TEX14: variants seen among roughly 807,000 people sequenced by gnomAD.
The protein encoded by TEX14 is testis expressed 14, intercellular bridge forming factor.
Under a neutral mutation model 178.6 loss-of-function variants are expected in TEX14, and 168 were observed. The observed-to-expected ratio is 0.94, with a 90% confidence interval of 0.83 to 1.07. TEX14 has a LOEUF of 1.07. Among genes scored for constraint, TEX14 ranks in the 50% least tolerant of loss-of-function variants. The probability of loss-of-function intolerance (pLI) is 0.00; values close to 1 mark genes in which losing one functional copy is unlikely to be tolerated. For missense variants in TEX14, 1,730 were observed against 1,753.6 expected, an observed-to-expected ratio of 0.99 and a Z score of 0.24; for synonymous variants, 626 against 634.1, an observed-to-expected ratio of 0.99 and a Z score of 0.19.
intron 1 of TEX14, among the ~76,000 whole-genome samples, chr17:58,663,711 G>A (rs1057435022): frequency 2.0e-5 from 3 of 152,036 alleles, no homozygotes; most frequent in Non-Finnish European, 2.9e-5. Flanking sequence ...CAGGTGATCT[G>A]CCTGCCTTGA....
chr17:58,686,861 C>CTTTTTTTT (rs71143271), intron 1 of TEX14, among the ~76,000 whole-genome samples: 2 of 71,478 alleles, frequency 2.8e-5, no homozygotes, highest in Non-Finnish European at 5.1e-5. Context: ...GAAAGGTCAC[C>CTTTTTTTT]TTTTTTTTTT....
At chr17:58,660,385 G>T in intron 1 of TEX14, 1 of 333,118 alleles carries the variant, frequency 3.0e-6, no homozygotes, top group Non-Finnish European at 5.3e-6. Context: ...TGGGCGACAA[G>T]TAAAAAACTC....
At chr17:58,681,616 G>A (rs1262534333) in intron 1 of TEX14, among the ~76,000 whole-genome samples, 20 of 152,096 alleles carry the variant, frequency 1.3e-4, no homozygotes, top group Admixed American at 8.5e-4. Flanking sequence ...GTGGGAGGCC[G>A]AGGCAGGTGG....
chr17:58,665,998 G>A (rs969518341), intron 1 of TEX14, among the ~76,000 whole-genome samples: 27 of 150,796 alleles, frequency 1.8e-4, no homozygotes, highest in South Asian at 8.3e-4. Flanking sequence ...GCAGTGAGCC[G>A]AGATTGTGCC....
At position 58,574,384 on chromosome 17, in the gene TEX14, G is replaced by C; in HGVS notation, c.3321-135C>G. On this transcript the variant is annotated intron_variant, in intron 21 of 31. Coordinates refer to ENST00000349033, the MANE Select transcript of TEX14 (RefSeq NM_031272.5). Reference sequence around the variant, plus strand: ...AGGGCACTAAGCTCAGGAGTAGAAAGTGTGAGTTCTGTGCCAGGCACGTTG... The same window carrying C: ...AGGGCACTAAGCTCAGGAGTAGAAACTGTGAGTTCTGTGCCAGGCACGTTG... 1.0e-5 allele frequency: 7 copies of C among 676,750 alleles called. No homozygotes were observed. In the South Asian group the frequency reaches 1.2e-4, roughly 12 times the overall value. 41.9% of individuals were successfully genotyped at this position (676,750 alleles called of 1,614,324 possible).
chr17:58,617,472 G>A (rs1475937861), intron 6 of TEX14, 66 bp downstream of exon 6: 1 of 1,194,356 alleles, frequency 8.4e-7, no homozygotes, highest in Non-Finnish European at 1.2e-6. Flanking sequence ...GACAAAGGTG[G>A]GAGATGGGGC....
At chr17:58,609,121 T>C (rs2045684807) in intron 10 of TEX14, among the ~76,000 whole-genome samples, 2 of 152,286 alleles carry the variant, frequency 1.3e-5, no homozygotes, top group South Asian at 4.2e-4. Flanking sequence ...CCCCTGCTTT[T>C]TTTCTTGAGA....
At chr17:58,627,465 C>T (rs1375060291) in intron 3 of TEX14, among the ~76,000 whole-genome samples, 1 of 151,976 alleles carries the variant, frequency 6.6e-6, no homozygotes, top group East Asian at 1.9e-4. Flanking sequence ...CACCTTGTTT[C>T]AGTAACTAAA....
At chr17:58,644,638 CTTTTTT>C (rs34373378) in intron 2 of TEX14, among the ~76,000 whole-genome samples, 158 of 39,558 alleles carry the variant, frequency 4.0e-3, no homozygotes, top group African/African-American at 0.018. Flanking sequence ...CCGCACCTGG[CTTTTTT>C]TTTTTTTTTT....
chr17:58,598,674 C>T (rs1279487952), intron 14 of TEX14, among the ~76,000 whole-genome samples: 1 of 152,046 alleles, frequency 6.6e-6, no homozygotes, highest in Non-Finnish European at 1.5e-5. Context: ...TATGTCAGTC[C>T]CTCCACATAG....
At chr17:58,665,684 T>C (rs2047191192) in intron 1 of TEX14, among the ~76,000 whole-genome samples, 1 of 151,972 alleles carries the variant, frequency 6.6e-6, no homozygotes, top group African/African-American at 2.4e-5. Context: ...GGTACAGCTT[T>C]AAACAGTAAG....
intron 22 of TEX14, 111 bp downstream of exon 22, chr17:58,574,076 C>T (rs1598349542): frequency 2.3e-6 from 2 of 867,406 alleles, no homozygotes; most frequent in South Asian, 1.4e-5. Flanking sequence ...AGCATACTCA[C>T]ATTAAGTCTA....
chr17:58,618,312 CATT>C (rs2045922420), intron 5 of TEX14, among the ~76,000 whole-genome samples: 1 of 152,148 alleles, frequency 6.6e-6, no homozygotes, highest in African/African-American at 2.4e-5. Flanking sequence ...CCAGTTTTTT[CATT>C]ATATAGGCAA....
Position 58,684,921 on chromosome 17 carries a change from A to C in TEX14, c.-2+7018T>G, listed in dbSNP as rs188618560. ...AACCCTCAAGACAGAGGTTGCAGCAAGCAGAAATCATGCCTAGGTGACAGA... is the reference window on the plus strand; with the variant it reads ...AACCCTCAAGACAGAGGTTGCAGCACGCAGAAATCATGCCTAGGTGACAGA... On this transcript the variant is annotated intron_variant, in intron 1 of 31. Coordinates refer to ENST00000349033, the MANE Select transcript of TEX14 (RefSeq NM_031272.5). 4.7e-3 allele frequency among the ~76,000 whole-genome samples: 721 copies of C among 152,300 alleles called. 3 individuals carry two copies. The highest frequency in any genetic ancestry group is 7.3e-3 in the Non-Finnish European group (499 of 68,038).
At chr17:58,630,730 G>T (rs2046268543) in intron 2 of TEX14, among the ~76,000 whole-genome samples, 176 bp from the exon 3 acceptor site, 1 of 152,046 alleles carries the variant, frequency 6.6e-6, no homozygotes, top group Admixed American at 6.6e-5. Flanking sequence ...ATACTGGAAG[G>T]CAAACTCAGT....
At chr17:58,628,868 G>A (rs2144570956) in intron 3 of TEX14, among the ~76,000 whole-genome samples, 1 of 151,390 alleles carries the variant, frequency 6.6e-6, no homozygotes, top group South Asian at 2.1e-4. Flanking sequence ...CTGGGTGACA[G>A]AGCAAGACTC....
intron 7 of TEX14, 120 bp from the exon 8 acceptor site, chr17:58,615,465 A>G: frequency 1.5e-6 from 1 of 678,200 alleles, no homozygotes; most frequent in East Asian, 2.8e-5. Context: ...TGCAATGCCC[A>G]CTGGGCACTA....
rs767273144 is a variant in TEX14 at position 58,565,785 on chromosome 17, T to C, written c.3926A>G (p.His1309Arg). 4 of 1,610,230 alleles carry C rather than the reference T, an allele frequency of 2.5e-6. No homozygotes were observed. The highest frequency in any genetic ancestry group is 3.4e-5 in the Admixed American group (2 of 59,614). Residue 1309 changes from histidine (H) to arginine (R), a missense_variant, in exon 27 of 32, where the codon CAT becomes CGT. Around this residue, in one of 2 missense-constraint regions of TEX14, gnomAD observed 941 missense variants for 1,072.4 expected, o/e 0.88. Coordinates refer to ENST00000349033, the MANE Select transcript of TEX14 (RefSeq NM_031272.5). ...KQQQGSSTVL[H>R]ENTASDGGGT... ...TCCTCCATCACTTGCTGTGTTCTCA[T>C]GCAACACCGTGGATGAGCCCTGCTG...
chr17:58,572,353 G>T (rs545219018), intron 23 of TEX14, among the ~76,000 whole-genome samples: 1 of 152,176 alleles, frequency 6.6e-6, no homozygotes, highest in Non-Finnish European at 1.5e-5. Context: ...AAATAAGGCC[G>T]GGTACGGTGG....
Sources: allele counts gnomAD v4.1 joint callset (sites outside exome capture counted in the v4.1 genomes callset), GRCh38; gene constraint gnomAD v4.1.1; regional missense constraint gnomAD v4.1.1; transcripts MANE v1.5; gene names NCBI Gene and HGNC (gene_info 2026-07-23, HGNC 2026-07-21).